MYO9A: variants seen among roughly 807,000 people sequenced by gnomAD.
MYO9A encodes the protein myosin IXA.
In MYO9A, 103 loss-of-function variants were observed where a neutral mutation model predicts 293.3. The ratio of observed to expected loss-of-function variants is 0.35; its 90% confidence interval spans 0.30 to 0.41. The LOEUF (loss-of-function observed/expected upper bound fraction) is 0.41. Ranked by LOEUF, MYO9A falls within the 10% of genes least tolerant of loss-of-function variation. The pLI is 1.00. For missense variants in MYO9A, 2,685 were observed against 3,033.0 expected (o/e 0.89, Z 2.69); for synonymous variants, 1,001 against 1,035.7 (o/e 0.97, Z 0.64).
intron 32 of MYO9A, among the ~76,000 whole-genome samples, chr15:71,864,478 G>A (rs983782016): frequency 6.6e-6 from 1 of 152,092 alleles, no homozygotes; most frequent in African/African-American, 2.4e-5. Flanking sequence ...TCCACTCTCA[G>A]GTTTATACAC....
intron 1 of MYO9A, among the ~76,000 whole-genome samples, chr15:72,092,356 G>A (rs1265697454): frequency 6.6e-6 from 1 of 152,246 alleles, no homozygotes; most frequent in Admixed American, 6.5e-5. Flanking sequence ...GGAGAAAGGA[G>A]AGTTCCTGAC....
chr15:71,904,109 G>T, intron 20 of MYO9A, 70 bp from the exon 21 acceptor site: 3 of 1,209,830 alleles, frequency 2.5e-6, no homozygotes, highest in South Asian at 2.6e-5. Context: ...TTATAAGCAT[G>T]ACTAACTGTT....
intron 21 of MYO9A, among the ~76,000 whole-genome samples, chr15:71,903,279 T>C (rs994838055): frequency 2.0e-5 from 3 of 151,160 alleles, no homozygotes; most frequent in African/African-American, 4.9e-5. Flanking sequence ...CAAAAGGGAA[T>C]GAGAGAAAAA....
intron 19 of MYO9A, among the ~76,000 whole-genome samples, chr15:71,907,518 C>A: frequency 3.0e-5 from 4 of 133,636 alleles, no homozygotes; most frequent in Non-Finnish European, 4.9e-5. Flanking sequence ...GGAATCGCCA[C>A]ACTGACTTCC....
chr15:72,018,530 A>G (rs1181490740), intron 6 of MYO9A, among the ~76,000 whole-genome samples: 1 of 152,192 alleles, frequency 6.6e-6, no homozygotes, highest in East Asian at 1.9e-4. Context: ...TAATTTTATT[A>G]AGGCTACAGA....
intron 19 of MYO9A, among the ~76,000 whole-genome samples, chr15:71,910,040 AAAGG>A (rs756962887): frequency 2.0e-5 from 3 of 150,390 alleles, no homozygotes; most frequent in Non-Finnish European, 4.4e-5. Context: ...ACTTTTTACA[AAAGG>A]AAGACATTGT....
At chr15:72,032,316 C>T (rs144076933) in intron 3 of MYO9A, among the ~76,000 whole-genome samples, 178 bp downstream of exon 3, 23 of 152,264 alleles carry the variant, frequency 1.5e-4, no homozygotes, top group Admixed American at 1.3e-3. Flanking sequence ...GTGACTGTTA[C>T]ATTGGTGTTA....
At chr15:71,998,660 G>A (rs1477541645) in intron 9 of MYO9A, among the ~76,000 whole-genome samples, 3 of 148,102 alleles carry the variant, frequency 2.0e-5, no homozygotes, top group Non-Finnish European at 3.0e-5. Flanking sequence ...CATGTGCCAT[G>A]CTGGCGTGTT....
At chr15:72,009,299 C>A (rs1379291646) in intron 7 of MYO9A, among the ~76,000 whole-genome samples, 1 of 152,050 alleles carries the variant, frequency 6.6e-6, no homozygotes, top group African/African-American at 2.4e-5. Flanking sequence ...ATTGACTTCT[C>A]ATAAAAAGAT....
intron 1 of MYO9A, among the ~76,000 whole-genome samples, chr15:72,110,123 G>C (rs932487834): frequency 6.6e-6 from 1 of 151,152 alleles, no homozygotes. Context: ...GTGAGATGCT[G>C]TCTCAAGAAA....
chr15:71,915,244 TAA>T (rs1196644337), intron 19 of MYO9A, among the ~76,000 whole-genome samples: 13 of 152,046 alleles, frequency 8.6e-5, no homozygotes, highest in Non-Finnish European at 1.3e-4. Flanking sequence ...AGAAGCAAGG[TAA>T]AGACAGACTT....
chr15:72,015,969 T>G (rs1044049957), intron 6 of MYO9A, among the ~76,000 whole-genome samples: 2 of 152,124 alleles, frequency 1.3e-5, no homozygotes, highest in South Asian at 2.1e-4. Flanking sequence ...ATTACAGGTG[T>G]GAGCCACTGC....
At chr15:71,900,989 A>G (rs754297112) in intron 23 of MYO9A, among the ~76,000 whole-genome samples, 1 of 152,366 alleles carries the variant, frequency 6.6e-6, no homozygotes, top group South Asian at 2.1e-4. Flanking sequence ...TTTAAATTCA[A>G]TGGAATCAAT....
chr15:72,002,246 A>ATT (rs34970982), intron 8 of MYO9A, among the ~76,000 whole-genome samples: 51 of 140,142 alleles, frequency 3.6e-4, no homozygotes, highest in East Asian at 1.9e-3. Context: ...TGACCAGCTA[A>ATT]TTTTTTTTTT....
At chr15:72,040,220 C>A (rs886121391) in intron 2 of MYO9A, 2 of 152,394 alleles carry the variant, frequency 1.3e-5, no homozygotes, top group Non-Finnish European at 1.5e-5. Flanking sequence ...AAAACAGTGC[C>A]CCGTCAGCAG....
intron 4 of MYO9A, among the ~76,000 whole-genome samples, chr15:72,027,410 T>C (rs770461735): frequency 6.6e-6 from 1 of 152,062 alleles, no homozygotes; most frequent in Non-Finnish European, 1.5e-5. Context: ...TTATTGAAAA[T>C]TTTTTTTCTC....
chr15:71,899,605 A>G, intron 24 of MYO9A, 82 bp downstream of exon 24: 1 of 1,235,902 alleles, frequency 8.1e-7, no homozygotes, highest in South Asian at 1.5e-5. Flanking sequence ...TCTAATACAA[A>G]TTAGACAAGT....
chr15:71,871,675 C>A (rs567398746), intron 32 of MYO9A, among the ~76,000 whole-genome samples: 4 of 146,908 alleles, frequency 2.7e-5, no homozygotes, highest in Admixed American at 6.8e-5. Flanking sequence ...CAGAGTGAGA[C>A]CCTGTCTCAA....
chr15:71,842,475 T>C (rs2141039383), intron 39 of MYO9A, among the ~76,000 whole-genome samples: 1 of 152,286 alleles, frequency 6.6e-6, no homozygotes, highest in Non-Finnish European at 1.5e-5. Context: ...ATTAAATAAC[T>C]TGCCCATATC....
Sources: allele counts gnomAD v4.1 joint callset (sites outside exome capture counted in the v4.1 genomes callset), GRCh38; gene constraint gnomAD v4.1.1; transcripts MANE v1.5; gene names NCBI Gene and HGNC (gene_info 2026-07-23, HGNC 2026-07-21).